Variants in ZNF142 observed in about 807,000 individuals in gnomAD.
ZNF142 encodes the protein zinc finger protein 142.
Under a neutral mutation model 132.1 loss-of-function variants are expected in ZNF142, and 96 were observed. That is an observed-to-expected ratio of 0.73 (90% CI 0.62 to 0.86). The LOEUF is 0.86. Ranked by LOEUF, ZNF142 falls within the 40% of genes least tolerant of loss-of-function variation. The probability of loss-of-function intolerance (pLI) is 0.00; values close to 1 mark genes in which losing one functional copy is unlikely to be tolerated. For missense variants in ZNF142, 2,163 were observed against 2,336.2 expected (o/e 0.93, Z 1.53); for synonymous variants, 842 against 890.1 (o/e 0.95, Z 0.96).
chr2:218,652,437 C>T, intron 4 of ZNF142, 137 bp from the exon 5 acceptor site: 2 of 390,964 alleles, frequency 5.1e-6, no homozygotes, highest in Non-Finnish European at 1.0e-5. Flanking sequence ...TGGTCCTACA[C>T]CTGGACTGTA....
chr2:218,648,839 G>C lies in ZNF142; in HGVS notation c.1669C>G (p.Leu557Val). The C allele has an allele frequency of 1.1e-5, 18 of 1,614,248 alleles. No individual in the cohort carries two copies. The highest frequency in any genetic ancestry group is 1.4e-5 in the Non-Finnish European group (17 of 1,180,040). Residue 557 changes from leucine to valine, a missense_variant, in exon 7 of 11, where the codon CTA (leucine) becomes GTA (valine). Physicochemically the swap from Leu to Val is conservative, Grantham distance 32. Around this residue, in one of 7 missense-constraint regions of ZNF142, gnomAD observed 749 missense variants for 830.3 expected, o/e 0.90. Transcript: ENST00000411696. The stretch of plus-strand genomic sequence containing the variant: ...CCCTGCTTCTTGTGTTTACGGAATA[G>C]GTGCTTATTGGAACAAGCAAAATCA... ...HCDFACSNKH[L>V]FRKHKKQGHP...
In ZNF142 at chr2:218,645,042, A is replaced by G. The variant is rs761763685; in HGVS notation, c.2074T>C (p.Tyr692His). The G allele has an allele frequency of 6.2e-7, 1 of 1,613,062 alleles. No homozygotes were observed. Among genetic ancestry groups the G allele is most frequent in the East Asian group, 2.2e-5 (1 of 44,868 alleles). The stretch of plus-strand genomic sequence containing the variant: ...AGCTGATCAGCCCGGTGACAGCGAT[A>G]GGAGCACTGGTTGCACTGATACCTG... Reference protein sequence around the residue: ...DLRYQCNQCSYRCHRADQLSS... With the variant: ...DLRYQCNQCSHRCHRADQLSS... The change falls in exon 9 of 11, where the codon TAT becomes CAT. Residue 692 changes from tyrosine to histidine, a missense_variant. Transcript: ENST00000411696.
intron 7 of ZNF142, among the ~76,000 whole-genome samples, chr2:218,646,674 G>A (rs1697757385): frequency 6.6e-6 from 1 of 152,172 alleles, no homozygotes; most frequent in East Asian, 1.9e-4. Flanking sequence ...AAGCTCGGCT[G>A]CCCGGGTTCA....
At chr2:218,655,188 T>A (rs1001366381) in intron 4 of ZNF142, among the ~76,000 whole-genome samples, 7 of 152,208 alleles carry the variant, frequency 4.6e-5, no homozygotes, top group African/African-American at 1.7e-4. Flanking sequence ...TTTAAAGATA[T>A]TAACTCTTTC....
intron 5 of ZNF142, among the ~76,000 whole-genome samples, chr2:218,651,434 G>A (rs1937981711): frequency 1.3e-5 from 2 of 152,226 alleles, no homozygotes; most frequent in African/African-American, 4.8e-5. Context: ...TGGATCATTA[G>A]AGAATATTGG....
chr2:218,650,216 A>C, intron 6 of ZNF142, 143 bp downstream of exon 6: 2 of 967,624 alleles, frequency 2.1e-6, no homozygotes, highest in Non-Finnish European at 3.1e-6. Context: ...TTCCCACTAG[A>C]CCTTGACTTT....
rs1225448077 is a variant in ZNF142, at chr2:218,644,156, G to A, written c.2960C>T (p.Pro987Leu). The change falls in exon 9 of 11, where the codon CCA (proline) becomes CTA (leucine). Residue 987 changes from proline (P) to leucine (L), a missense_variant. Pro to Leu is a moderately conservative substitution (Grantham distance 98). Transcript: ENST00000411696. This position sits in a 1 kb window ranked among gnomAD's most constrained non-coding sequence, Gnocchi z 4.6. ...GGGCAAGGGTGCTGTCTCAGCAGGT[G>A]GAGTTGTCTTGAAGGTTCCTACCCA... ...NNWVGTFKTT[P>L]PAETAPLPPL... 2 of 1,614,014 alleles carry A rather than the reference G, an allele frequency of 1.2e-6. No homozygotes were observed. Among genetic ancestry groups the A allele is most frequent in the African/African-American group, 2.7e-5 (2 of 74,894 alleles).
chr2:218,635,989 A>T lies in ZNF142; in HGVS notation c.*2350T>A. 2.5e-6 allele frequency: 4 copies of T among 1,611,030 alleles called. No individual in the cohort carries two copies. The highest frequency in any genetic ancestry group is 3.4e-6 in the Non-Finnish European group (4 of 1,177,958). ...TAGGAGCATGATTAGTTTTCCTTCTAGTCTGTCTTCCATTAAGTATAGCAT... is the reference window on the plus strand; with the variant it reads ...TAGGAGCATGATTAGTTTTCCTTCTTGTCTGTCTTCCATTAAGTATAGCAT... On this transcript the variant is annotated 3_prime_UTR_variant, in exon 11 of 11. Transcript: ENST00000411696.
chr2:218,651,158 T>G (rs1435268869), intron 5 of ZNF142, among the ~76,000 whole-genome samples: 2 of 152,142 alleles, frequency 1.3e-5, no homozygotes, highest in Non-Finnish European at 2.9e-5. Context: ...ATTTTTGTAT[T>G]TTTTGTAGAG....
chr2:218,644,006 CGGAA>C lies in ZNF142; in HGVS notation c.3106_3109del (p.Phe1036AlafsTer15). The C allele has an allele frequency of 6.2e-7, 1 of 1,614,108 alleles. No individual in the cohort carries two copies. Among genetic ancestry groups the C allele is most frequent in the Non-Finnish European group, 8.5e-7 (1 of 1,180,024 alleles). ...AGTGATAAAAGGGCAGTGTGGGCAG[CGGAA>C]GGCTCGCCCCTCTCCCTGGATCACT... On this transcript the variant is annotated frameshift_variant, in exon 9 of 11. Transcript: ENST00000411696. LOFTEE classifies it high-confidence loss of function. The surrounding 1 kb of genome is among the most constrained non-coding windows in gnomAD (Gnocchi z 4.6).
At position 218,634,287 on chromosome 2, in the gene ZNF142, G is replaced by C; in HGVS notation, c.*4052C>G. 1 of 1,574,844 alleles carries C rather than the reference G, an allele frequency of 6.3e-7. No homozygotes were observed. Among genetic ancestry groups the C allele is most frequent in the Non-Finnish European group, 8.6e-7 (1 of 1,160,156 alleles). On this transcript the variant is annotated 3_prime_UTR_variant, in exon 11 of 11. Coordinates refer to ENST00000411696, the MANE Select transcript of ZNF142 (RefSeq NM_001379659.1). This position sits in a 1 kb window ranked among gnomAD's most constrained non-coding sequence, Gnocchi z 4.0. ...CAGCAGGTGGGAAATAAGTTCTCTAGTGATGGTAGGGTTGGGGAATGCTCA... is the reference window on the plus strand; with the variant it reads ...CAGCAGGTGGGAAATAAGTTCTCTACTGATGGTAGGGTTGGGGAATGCTCA...
chr2:218,656,028 C>G, intron 4 of ZNF142, 122 bp downstream of exon 4: 1 of 1,247,738 alleles, frequency 8.0e-7, no homozygotes. Context: ...ATGACAACAT[C>G]TCCAAGTATA....
At position 218,635,069 on chromosome 2, in the gene ZNF142, T is replaced by C. The variant is rs970906049; in HGVS notation, c.*3270A>G. Reference sequence around the variant, plus strand: ...GTCTGAAACTGGTCTCAACAAAAAATTTAAAAATTTTGTAGAGACTCCCGT... The same window carrying C: ...GTCTGAAACTGGTCTCAACAAAAAACTTAAAAATTTTGTAGAGACTCCCGT... On this transcript the variant is annotated 3_prime_UTR_variant, in exon 11 of 11. Coordinates refer to ENST00000411696, the MANE Select transcript of ZNF142 (RefSeq NM_001379659.1). Among the ~76,000 whole-genome samples the C allele has an allele frequency of 3.3e-5, 5 of 151,872 alleles. No homozygotes were observed. The highest frequency in any genetic ancestry group is 7.3e-5 in the African/African-American group (3 of 41,358).
Position 218,656,341 on chromosome 2 carries a change from G to A in ZNF142, c.89C>T (p.Pro30Leu). ...CCCCAGGATTCCACGGTTAGAGAGAGGCGGGGGGATCAGCAATAGCTCAGG... is the reference window on the plus strand; with the variant it reads ...CCCCAGGATTCCACGGTTAGAGAGAAGCGGGGGGATCAGCAATAGCTCAGG... ...LCPELLLIPP[P>L]LSNRGILGPV... is the part of the protein sequence containing the mutation. The change falls in exon 4 of 11, where the codon CCT becomes CTT. Residue 30 changes from proline to leucine, a missense_variant. By Grantham distance (98) the Pro-to-Leu change is moderately conservative (BLOSUM62 -3). Around this residue, in one of 7 missense-constraint regions of ZNF142, gnomAD observed 195 missense variants for 172.4 expected, o/e 1.13. Coordinates refer to ENST00000411696, the MANE Select transcript of ZNF142 (RefSeq NM_001379659.1). 6.3e-7 allele frequency: 1 copy of A among 1,588,128 alleles called. No individual in the cohort carries two copies. The highest frequency in any genetic ancestry group is 8.6e-7 in the Non-Finnish European group (1 of 1,164,250).
rs1696719151 is a variant in ZNF142 at position 218,636,001 on chromosome 2, A to G, written c.*2338T>C. 8.1e-6 allele frequency: 13 copies of G among 1,605,548 alleles called. No individual in the cohort carries two copies. Among genetic ancestry groups the G allele is most frequent in the Non-Finnish European group, 1.0e-5 (12 of 1,174,172 alleles). On this transcript the variant is annotated 3_prime_UTR_variant, in exon 11 of 11. Transcript: ENST00000411696. ...TAGTTTTCCTTCTAGTCTGTCTTCC[A>G]TTAAGTATAGCATCTGTTATTGCAT...
In ZNF142 at chr2:218,656,468, C is replaced by T; in HGVS notation, c.-34-5G>A. The T allele has an allele frequency of 7.0e-7, 1 of 1,423,788 alleles. No individual in the cohort carries two copies. The highest frequency in any genetic ancestry group is 9.2e-7 in the Non-Finnish European group (1 of 1,081,994). 88.2% of individuals were successfully genotyped at this position (1,423,788 alleles called of 1,614,324 possible). A position where few individuals can be genotyped will look rare whatever the true frequency, so the allele number is the denominator to read the frequency against. On this transcript the variant is annotated splice_polypyrimidine_tract_variant and splice_region_variant and intron_variant, in intron 3 of 10. Transcript: ENST00000411696. ...TGTGTTTTGGCTTCTTAAATGCTGACAAGCCAACCAGAAGAAAAACAAAGT... is the reference window on the plus strand; with the variant it reads ...TGTGTTTTGGCTTCTTAAATGCTGATAAGCCAACCAGAAGAAAAACAAAGT...
Position 218,638,625 on chromosome 2 carries a change from T to A in ZNF142, c.5378A>T (p.Tyr1793Phe), listed in dbSNP as rs200133906. The change falls in exon 11 of 11, where the codon TAT (tyrosine) becomes TTT (phenylalanine). Residue 1793 changes from tyrosine (Y) to phenylalanine (F), a missense_variant. Tyr to Phe is a conservative substitution (Grantham distance 22). Around this residue, in one of 7 missense-constraint regions of ZNF142, gnomAD observed 325 missense variants for 367.8 expected, o/e 0.88. Transcript: ENST00000411696. Reference protein sequence around the residue: ...HLRKHSEAKPYVCNVCHRAFR... With the variant: ...HLRKHSEAKPFVCNVCHRAFR... ...AGCACGGTGGCACACATTGCACACA[T>A]AGGGTTTGGCCTCACTGTGCTTGCG... The A allele has an allele frequency of 8.2e-5, 133 of 1,614,040 alleles. No homozygotes were observed. The highest frequency in any genetic ancestry group is 1.1e-4 in the Non-Finnish European group (129 of 1,180,026).
chr2:218,648,942 T>G lies in ZNF142; in HGVS notation c.1566A>C (p.Ser522=). ...GVRAVECRHH[S]CPMLFATAEA... ...CGGCTGTGGCAAAGAGCATGGGACA[T>G]GAGTGATGGCGGCACTCCACAGCCC... Residue 522 remains serine, a synonymous_variant, in exon 7 of 11, where the codon TCA becomes TCC. Coordinates refer to ENST00000411696, the MANE Select transcript of ZNF142 (RefSeq NM_001379659.1). 1 of 1,613,298 alleles carries G rather than the reference T, an allele frequency of 6.2e-7. No individual in the cohort carries two copies. Among genetic ancestry groups the G allele is most frequent in the Non-Finnish European group, 8.5e-7 (1 of 1,180,028 alleles).
rs1696930517 is a variant in ZNF142 at position 218,638,775 on chromosome 2, T to C, written c.5228A>G (p.Tyr1743Cys). The C allele has an allele frequency of 3.7e-6, 6 of 1,607,030 alleles. No individual in the cohort carries two copies. The highest frequency in any genetic ancestry group is 5.1e-6 in the Non-Finnish European group (6 of 1,179,720). ...LKPYQCPECEYCTNRADALRV... is the reference protein window; with the variant it reads ...LKPYQCPECECCTNRADALRV... ...CAGTGCATCAGCCCGGTTGGTGCAGTACTCACACTCGGGACACTGGTATGG... is the reference window on the plus strand; with the variant it reads ...CAGTGCATCAGCCCGGTTGGTGCAGCACTCACACTCGGGACACTGGTATGG... Residue 1743 changes from tyrosine to cysteine, a missense_variant, in exon 11 of 11, where the codon TAC becomes TGC. Physicochemically the swap from Tyr to Cys is radical, Grantham distance 194 (BLOSUM62 -2). Transcript: ENST00000411696.
Sources: gnomAD v4.1 joint callset for allele counts (sites outside exome capture counted in the v4.1 genomes callset) on GRCh38, gnomAD v4.1.1 for gene constraint, gnomAD v4.1.1 regional missense constraint, Gnocchi (gnomAD v3.1) non-coding constraint, MANE v1.5 for transcripts, NCBI Gene and HGNC (gene_info 2026-07-23, HGNC 2026-07-21) for gene names.